The following GNL3L variants were observed in gnomAD, a reference collection of about 807,000 sequenced individuals.
GNL3L encodes the protein guanine nucleotide-binding protein-like 3-like protein.
In GNL3L, 4 loss-of-function variants were observed where a neutral mutation model predicts 42.9. That is an observed-to-expected ratio of 0.09 (90% CI 0.05 to 0.21). GNL3L has a LOEUF of 0.21. GNL3L is among the 10% of genes least tolerant of loss of function. The probability of loss-of-function intolerance (pLI) is 1.00; values close to 1 mark genes in which losing one functional copy is unlikely to be tolerated. For missense variants in GNL3L, 412 were observed against 481.7 expected, an observed-to-expected ratio of 0.86 and a Z score of 1.36; for synonymous variants, 159 against 176.3, an observed-to-expected ratio of 0.90 and a Z score of 0.78.
intron 16 of GNL3L, among the ~76,000 whole-genome samples, chrX:54,592,767 A>T (rs1925885698): frequency 1.8e-5 from 2 of 108,954 alleles, no homozygotes; most frequent in Admixed American, 2.0e-4. Context: ...ATGATTCGTG[A>T]TCATGCCACA....
At chrX:54,607,074 CTTT>C (rs1926095683) in intron 16 of GNL3L, among the ~76,000 whole-genome samples, 1 of 22,231 alleles carries the variant, frequency 4.5e-5, no homozygotes, top group Non-Finnish European at 7.4e-5. Flanking sequence ...CTTTCTTTCT[CTTT>C]CTTTCTTCTT....
chrX:54,628,643 G>C, the GNL3L span, among the ~76,000 whole-genome samples: 1 of 109,494 alleles, frequency 9.1e-6, no homozygotes, highest in East Asian at 2.8e-4. Flanking sequence ...ATGTTTGTTT[G>C]CCATTGGTAT....
downstream of GNL3L, among the ~76,000 whole-genome samples, chrX:54,623,078 A>G (rs1451334611): frequency 3.6e-5 from 4 of 111,471 alleles, no homozygotes; most frequent in Non-Finnish European, 7.5e-5. Flanking sequence ...AATGGTCTAT[A>G]TGTCTATCTT....
chrX:54,572,067 G>A (rs1383916512), downstream of GNL3L, among the ~76,000 whole-genome samples: 1 of 107,666 alleles, frequency 9.3e-6, no homozygotes, highest in Non-Finnish European at 1.9e-5. Context: ...GGATTTGGCA[G>A]GGTCATAGGA....
exon 17 of GNL3L, among the ~76,000 whole-genome samples, chrX:54,621,277 G>A (rs1168757172): frequency 2.7e-5 from 3 of 111,967 alleles, no homozygotes; most frequent in Non-Finnish European, 3.8e-5. Flanking sequence ...TTGTAGCCCT[G>A]AGCTGCCATG....
chrX:54,541,945 G>A, intron 5 of GNL3L, among the ~76,000 whole-genome samples: 1 of 109,824 alleles, frequency 9.1e-6, no homozygotes, highest in Middle Eastern at 4.7e-3. Context: ...TCACACCCAT[G>A]TGCACACTCA....
At chrX:54,579,986 GTTTTTTTTTTT>G (rs869217575) in intron 16 of GNL3L, among the ~76,000 whole-genome samples, 6 of 47,703 alleles carry the variant, frequency 1.3e-4, no homozygotes, top group East Asian at 1.3e-3. Flanking sequence ...CCTAAAGTTT[GTTTTTTTTTTT>G]TTTTTTTTTT....
intron 16 of GNL3L, among the ~76,000 whole-genome samples, chrX:54,607,889 T>C (rs1485220532): frequency 8.9e-6 from 1 of 111,790 alleles, no homozygotes; most frequent in African/African-American, 3.3e-5. Context: ...ATAAATAAAA[T>C]TGTGGTTTAT....
chrX:54,540,225 G>C lies in GNL3L; in HGVS notation c.172G>C (p.Glu58Gln), dbSNP rs753027008. ...HPNDHANREAELKKKWVEEMR... is the reference protein window; with the variant it reads ...HPNDHANREAQLKKKWVEEMR... ...CAATGATCATGCCAATCGAGAGGCT[G>C]AATTAAAGAAGAAGTGGGTAAGCTT... is the stretch of plus-strand genomic sequence containing the variant. Residue 58 changes from glutamate to glutamine, a missense_variant, in exon 4 of 16, where the codon GAA becomes CAA. Coordinates refer to ENST00000360845, the MANE Select transcript of GNL3L (RefSeq NM_001184819.2). 8.4e-6 allele frequency: 10 copies of C among 1,184,661 alleles called. No homozygotes were observed. The highest frequency in any genetic ancestry group is 1.1e-5 in the Non-Finnish European group (10 of 872,418).
At chrX:54,580,437 G>T (rs1925699272) in intron 16 of GNL3L, among the ~76,000 whole-genome samples, 1 of 110,598 alleles carries the variant, frequency 9.0e-6, no homozygotes, top group South Asian at 3.9e-4. Flanking sequence ...CTGTGCTATT[G>T]TGAATAGTGC....
chrX:54,630,658 CTTCT>C, the GNL3L span, among the ~76,000 whole-genome samples: 45 of 49,020 alleles, frequency 9.2e-4, 3 homozygotes, highest in African/African-American at 5.7e-3. Flanking sequence ...TTCTTTTCTC[CTTCT>C]TTCCTTCCTT....
intron 16 of GNL3L, among the ~76,000 whole-genome samples, chrX:54,583,731 TC>T (rs1437115714): frequency 9.0e-6 from 1 of 110,658 alleles, no homozygotes; most frequent in African/African-American, 3.3e-5. Context: ...AGCCTCGACC[TC>T]CCCAAGCTCA....
rs145536873 is a variant in GNL3L, at chrX:54,541,302, C to T, written c.219C>T (p.Ala73=). The change falls in exon 5 of 16, where the codon GCC becomes GCT. Residue 73 remains alanine, a synonymous_variant. Coordinates refer to ENST00000360845, the MANE Select transcript of GNL3L (RefSeq NM_001184819.2). ...AGGAGATGAGGGAGAAGCAGCAAGC[C>T]GCCCGGGAGCAAGAAAGACAAAAAC... The part of the protein sequence containing the change: ...WVEEMREKQQ[A]AREQERQKRR... 8 of 1,206,694 alleles carry T rather than the reference C, an allele frequency of 6.6e-6. No individual in the cohort carries two copies. The highest frequency in any genetic ancestry group is 5.3e-5 in the African/African-American group (3 of 56,891).
At chrX:54,587,816 G>A (rs1925806887) in intron 16 of GNL3L, among the ~76,000 whole-genome samples, 1 of 110,303 alleles carries the variant, frequency 9.1e-6, no homozygotes, top group Non-Finnish European at 1.9e-5. Flanking sequence ...GAGTAGCTGG[G>A]ATTATAGGCA....
intron 16 of GNL3L, among the ~76,000 whole-genome samples, chrX:54,615,374 A>G (rs1489524115): frequency 1.8e-5 from 2 of 112,031 alleles, no homozygotes; most frequent in African/African-American, 6.5e-5. Flanking sequence ...TAGTGTTGCT[A>G]TGAACATACA....
At chrX:54,615,085 C>T (rs1209162740) in intron 16 of GNL3L, among the ~76,000 whole-genome samples, 1 of 112,037 alleles carries the variant, frequency 8.9e-6, no homozygotes, top group Non-Finnish European at 1.9e-5. Flanking sequence ...TTCTCACTTC[C>T]ACAGCATCTG....
At chrX:54,634,042 ATTCTCT>A in the GNL3L span, among the ~76,000 whole-genome samples, 2 of 111,743 alleles carry the variant, frequency 1.8e-5, no homozygotes, top group Non-Finnish European at 3.8e-5. Flanking sequence ...TGCTTTCAAG[ATTCTCT>A]TTGTCTTTGT....
In GNL3L at chrX:54,558,971, G is replaced by A. The variant is rs374832727; in HGVS notation, c.1666+316G>A. Among the ~76,000 whole-genome samples the A allele has an allele frequency of 5.0e-4, 56 of 112,343 alleles. No homozygotes were observed. The South Asian group carries it at 0.02, about 40-fold the overall frequency. On this transcript the variant is annotated intron_variant, in intron 15 of 15. Coordinates refer to ENST00000360845, the MANE Select transcript of GNL3L (RefSeq NM_001184819.2). Reference sequence around the variant, plus strand: ...TGCACGTGGCCCCACCTGGGATCTTGATTGGGGCTCCTGAATGAGTATCTC... The same window carrying A: ...TGCACGTGGCCCCACCTGGGATCTTAATTGGGGCTCCTGAATGAGTATCTC...
At chrX:54,631,363 A>C in the GNL3L span, among the ~76,000 whole-genome samples, 1 of 110,318 alleles carries the variant, frequency 9.1e-6, no homozygotes, top group East Asian at 2.9e-4. Flanking sequence ...CTATGTTGCC[A>C]TCTATCTCAT....
Sources: gnomAD v4.1 joint callset for allele counts (sites outside exome capture counted in the v4.1 genomes callset) on GRCh38, gnomAD v4.1.1 for gene constraint, MANE v1.5 for transcripts, NCBI Gene and HGNC (gene_info 2026-07-23, HGNC 2026-07-21) for gene names.